Variants in ZCCHC7 observed in about 807,000 individuals in gnomAD.
ZCCHC7 encodes the protein zinc finger CCHC-type containing 7.
ZCCHC7 carries 35 observed loss-of-function variants against 52.0 expected under a neutral mutation model. That is an observed-to-expected ratio of 0.67 (90% CI 0.51 to 0.89). ZCCHC7 has a LOEUF of 0.89. Among genes scored for constraint, ZCCHC7 ranks in the 40% least tolerant of loss-of-function variants. The pLI, the probability that ZCCHC7 is intolerant of heterozygous loss-of-function variation, is 0.00. For missense variants in ZCCHC7, 574 were observed against 649.1 expected (o/e 0.88, Z 1.26); for synonymous variants, 217 against 221.5 (o/e 0.98, Z 0.18).
At chr9:37,244,494 A>T (rs2133369561) in intron 2 of ZCCHC7, among the ~76,000 whole-genome samples, 1 of 152,002 alleles carries the variant, frequency 6.6e-6, no homozygotes, top group South Asian at 2.1e-4. Flanking sequence ...TTTAAAAGGG[A>T]ACTAACTCTT....
intron 2 of ZCCHC7, among the ~76,000 whole-genome samples, chr9:37,297,852 G>A (rs947341296): frequency 6.6e-6 from 1 of 152,164 alleles, no homozygotes; most frequent in Non-Finnish European, 1.5e-5. Context: ...AAGGAATGAC[G>A]ATCTTCAGCT....
At chr9:37,336,343 G>C (rs1830657567) in intron 6 of ZCCHC7, among the ~76,000 whole-genome samples, 1 of 152,084 alleles carries the variant, frequency 6.6e-6, no homozygotes, top group Non-Finnish European at 1.5e-5. Context: ...TTTGTTCCTT[G>C]TTTTAAGACA....
intron 2 of ZCCHC7, among the ~76,000 whole-genome samples, chr9:37,271,817 G>A (rs531605985): frequency 2.6e-5 from 4 of 152,188 alleles, no homozygotes; most frequent in East Asian, 3.9e-4. Context: ...TGATCTGCCC[G>A]CCTCAGCCTC....
chr9:37,199,218 C>A (rs1380476519), intron 2 of ZCCHC7, among the ~76,000 whole-genome samples: 1 of 152,116 alleles, frequency 6.6e-6, no homozygotes, highest in South Asian at 2.1e-4. Flanking sequence ...GAAAAAGACA[C>A]AAGCTGCTAG....
intron 6 of ZCCHC7, among the ~76,000 whole-genome samples, chr9:37,337,410 C>T (rs1329541623): frequency 3.4e-5 from 4 of 116,482 alleles, no homozygotes; most frequent in Non-Finnish European, 5.4e-5. Flanking sequence ...CACCCCCCCC[C>T]CCCCCAAAAA....
At chr9:37,215,883 G>T (rs1293089619) in intron 2 of ZCCHC7, among the ~76,000 whole-genome samples, 4 of 152,060 alleles carry the variant, frequency 2.6e-5, no homozygotes, top group Non-Finnish European at 5.9e-5. Flanking sequence ...AATTGTGTGT[G>T]TATATTTTTA....
chr9:37,229,798 A>G (rs1480558642), intron 2 of ZCCHC7, among the ~76,000 whole-genome samples: 1 of 152,228 alleles, frequency 6.6e-6, no homozygotes, highest in Non-Finnish European at 1.5e-5. Context: ...CAACATTTGT[A>G]TCAACTTTTT....
intron 2 of ZCCHC7, among the ~76,000 whole-genome samples, chr9:37,245,929 T>G (rs1826063788): frequency 6.6e-6 from 1 of 152,048 alleles, no homozygotes. Context: ...TAGTGAGACA[T>G]TAGTCTGGAT....
intron 2 of ZCCHC7, among the ~76,000 whole-genome samples, chr9:37,294,688 C>G (rs1828701365): frequency 6.6e-6 from 1 of 152,216 alleles, no homozygotes; most frequent in East Asian, 1.9e-4. Context: ...CTTATTCATA[C>G]AGTTGTCCAT....
intron 2 of ZCCHC7, among the ~76,000 whole-genome samples, chr9:37,188,093 A>G (rs1303523834): frequency 1.3e-5 from 2 of 152,092 alleles, no homozygotes; most frequent in Non-Finnish European, 2.9e-5. Flanking sequence ...GAGGAAATGA[A>G]TATTAGACCT....
At chr9:37,250,337 T>A (rs1213862205) in intron 2 of ZCCHC7, among the ~76,000 whole-genome samples, 2 of 150,208 alleles carry the variant, frequency 1.3e-5, no homozygotes, top group Non-Finnish European at 3.0e-5. Flanking sequence ...GTTTTTGCTC[T>A]GTTGTCCAGA....
intron 2 of ZCCHC7, chr9:37,186,937 A>C: frequency 3.2e-6 from 1 of 309,424 alleles, no homozygotes; most frequent in Non-Finnish European, 6.2e-6. Flanking sequence ...TTTAAAAGGC[A>C]AGTGTATTTT....
intron 2 of ZCCHC7, among the ~76,000 whole-genome samples, chr9:37,208,045 G>C (rs1455033267): frequency 3.9e-5 from 6 of 152,068 alleles, no homozygotes; most frequent in Admixed American, 1.3e-4. Flanking sequence ...TTAAATGAAT[G>C]ATTTGGTGCT....
intron 2 of ZCCHC7, among the ~76,000 whole-genome samples, chr9:37,199,646 TTCTGTCTGTCTG>T (rs567382955): frequency 7.0e-6 from 1 of 143,424 alleles, no homozygotes; most frequent in South Asian, 2.2e-4. Context: ...CTGTTTCTTT[TTCTGTCTGTCTG>T]TCTGTCTGTC....
intron 2 of ZCCHC7, among the ~76,000 whole-genome samples, chr9:37,192,492 C>G (rs1264955751): frequency 6.6e-6 from 1 of 152,116 alleles, no homozygotes; most frequent in African/African-American, 2.4e-5. Context: ...ATAAAATGTT[C>G]AGTAAACATG....
At chr9:37,190,456 G>A (rs1051379356) in intron 2 of ZCCHC7, among the ~76,000 whole-genome samples, 3 of 152,070 alleles carry the variant, frequency 2.0e-5, no homozygotes, top group Non-Finnish European at 2.9e-5. Context: ...GATACTAAAG[G>A]GGGAAAAATA....
In ZCCHC7 at chr9:37,126,594, G is replaced by C; in HGVS notation, c.262G>C (p.Gly88Arg). ...SDSEVIQLSD[G>R]SEVITLSDED... ...TAGTGAGGTCATCCAGCTGTCAGATGGGTCAGAGGTCATCACTTTGTCTGA... is the reference window on the plus strand; with the variant it reads ...TAGTGAGGTCATCCAGCTGTCAGATCGGTCAGAGGTCATCACTTTGTCTGA... The change falls in exon 2 of 9, where the codon GGG becomes CGG. Residue 88 changes from glycine (G) to arginine (R), a missense_variant. By Grantham distance (125) the Gly-to-Arg change is moderately radical. Around this residue, in one of 3 missense-constraint regions of ZCCHC7, gnomAD observed 403 missense variants for 461.2 expected, o/e 0.87. Coordinates refer to ENST00000336755, the MANE Select transcript of ZCCHC7 (RefSeq NM_032226.3). 1 of 1,614,124 alleles carries C rather than the reference G, an allele frequency of 6.2e-7. No homozygotes were observed. Among genetic ancestry groups the C allele is most frequent in the Non-Finnish European group, 8.5e-7 (1 of 1,180,026 alleles).
At chr9:37,220,099 G>A (rs1043729112) in intron 2 of ZCCHC7, among the ~76,000 whole-genome samples, 2 of 152,176 alleles carry the variant, frequency 1.3e-5, no homozygotes, top group African/African-American at 2.4e-5. Flanking sequence ...TGAAACATAC[G>A]TACAAGTAAT....
intron 2 of ZCCHC7, among the ~76,000 whole-genome samples, chr9:37,207,251 A>G (rs755793727): frequency 6.6e-5 from 10 of 152,216 alleles, no homozygotes; most frequent in African/African-American, 9.6e-5. Flanking sequence ...TATTTGGAGC[A>G]TATAATCTCA....
Sources: gnomAD v4.1 joint callset for allele counts (sites outside exome capture counted in the v4.1 genomes callset) on GRCh38, gnomAD v4.1.1 for gene constraint, gnomAD v4.1.1 regional missense constraint, MANE v1.5 for transcripts, NCBI Gene and HGNC (gene_info 2026-07-23, HGNC 2026-07-21) for gene names.